The following IGF2R variants were observed in gnomAD, a reference collection of about 807,000 sequenced individuals.
IGF2R encodes cation-independent mannose-6-phosphate receptor.
IGF2R carries 91 observed loss-of-function variants against 270.6 expected under a neutral mutation model. That is an observed-to-expected ratio of 0.34 (90% CI 0.28 to 0.40). The LOEUF (loss-of-function observed/expected upper bound fraction) is 0.40. IGF2R is among the 10% of genes least tolerant of loss of function. The pLI is 1.00. For missense variants in IGF2R, 2,805 were observed against 3,188.3 expected, an observed-to-expected ratio of 0.88 and a Z score of 2.90; for synonymous variants, 1,316 against 1,258.9, an observed-to-expected ratio of 1.05 and a Z score of -0.96.
rs1418246596 is a variant in IGF2R, at chr6:160,050,419, C to T, written c.2515-54C>T. 74 of 1,527,828 alleles carry T rather than the reference C, an allele frequency of 4.8e-5. No individual in the cohort carries two copies. Among genetic ancestry groups the T allele is most frequent in the African/African-American group, 9.6e-5 (7 of 72,920 alleles). The allele number at this position is 1,527,828 out of a possible 1,614,324, so 94.6% of individuals were successfully genotyped here. On this transcript the variant is annotated intron_variant, in intron 18 of 47. Transcript: ENST00000356956. This position sits in a 1 kb window ranked among gnomAD's most constrained non-coding sequence, Gnocchi z 4.0. Reference sequence around the variant, plus strand: ...TATAGAATGTAACCACCACCAATAACGAATCGACTGTATCTTCAGGGGGAA... The same window carrying T: ...TATAGAATGTAACCACCACCAATAATGAATCGACTGTATCTTCAGGGGGAA...
At position 160,102,003 on chromosome 6, in the gene IGF2R, C is replaced by G. The variant is rs1779496828; in HGVS notation, c.6843-516C>G. On this transcript the variant is annotated intron_variant, in intron 45 of 47. Transcript: ENST00000356956. The surrounding 1 kb of genome is among the most constrained non-coding windows in gnomAD (Gnocchi z 4.5). ...CTGGGCTCTGCTGCTCCCTGGGCCC[C>G]ACCCTGGTCTGTGGCCGCCCCTGGG... 6.6e-6 allele frequency among the ~76,000 whole-genome samples: 1 copy of G among 152,192 alleles called. No individual in the cohort carries two copies. The highest frequency in any genetic ancestry group is 2.4e-5 in the African/African-American group (1 of 41,454).
chr6:159,983,235 C>G (rs900022237), intron 1 of IGF2R, among the ~76,000 whole-genome samples: 3 of 152,140 alleles, frequency 2.0e-5, no homozygotes, highest in Non-Finnish European at 4.4e-5. Flanking sequence ...GGGTGGGTTT[C>G]GATTGCGGCC....
chr6:160,056,272 A>G (rs1778314951), intron 19 of IGF2R, 152 bp from the exon 20 acceptor site: 1 of 620,814 alleles, frequency 1.6e-6, no homozygotes, highest in Admixed American at 2.7e-5. Flanking sequence ...AATTCTAATT[A>G]GGTAATGCAC....
chr6:159,969,566 C>G (rs1425928126), intron 1 of IGF2R, among the ~76,000 whole-genome samples, 171 bp downstream of exon 1: 1 of 151,990 alleles, frequency 6.6e-6, no homozygotes, highest in African/African-American at 2.4e-5. Context: ...CCGCGAGTCC[C>G]GCCGGGTCCC....
chr6:159,992,585 G>A (rs184710471), intron 2 of IGF2R, among the ~76,000 whole-genome samples: 145 of 148,246 alleles, frequency 9.8e-4, no homozygotes, highest in African/African-American at 3.3e-3. Flanking sequence ...TTTGTCCATA[G>A]AAAAGAATGA....
chr6:160,066,453 T>C (rs978470447), intron 29 of IGF2R, among the ~76,000 whole-genome samples: 4 of 152,142 alleles, frequency 2.6e-5, no homozygotes, highest in Non-Finnish European at 5.9e-5. Context: ...GCGCCCGGCC[T>C]TCCTAAAGAT....
chr6:160,035,483 G>A (rs1435748874), intron 10 of IGF2R, among the ~76,000 whole-genome samples: 4 of 152,162 alleles, frequency 2.6e-5, no homozygotes, highest in African/African-American at 7.2e-5. Flanking sequence ...CCCTGCGAAC[G>A]TCCTAGCAAG....
At chr6:160,054,841 T>G (rs1265011516) in intron 19 of IGF2R, among the ~76,000 whole-genome samples, 1 of 152,166 alleles carries the variant, frequency 6.6e-6, no homozygotes, top group African/African-American at 2.4e-5. Flanking sequence ...ATCAACTAAA[T>G]TATTAACAAT....
At chr6:160,099,031 AT>A (rs1419683978) in intron 45 of IGF2R, among the ~76,000 whole-genome samples, 1 of 152,212 alleles carries the variant, frequency 6.6e-6, no homozygotes, top group Non-Finnish European at 1.5e-5. Context: ...CTTTCACAAT[AT>A]TTGATTAAAG....
chr6:160,090,572 G>A (rs1779198157), intron 44 of IGF2R, among the ~76,000 whole-genome samples: 1 of 152,240 alleles, frequency 6.6e-6, no homozygotes, highest in African/African-American at 2.4e-5. Context: ...AGTCCAGGGT[G>A]TGAAGGAAGG....
intron 21 of IGF2R, among the ~76,000 whole-genome samples, chr6:160,058,564 T>A (rs944758123): frequency 6.6e-6 from 1 of 152,230 alleles, no homozygotes; most frequent in African/African-American, 2.4e-5. Context: ...CAATGATACA[T>A]ACTTTCTCAT....
chr6:160,036,304 C>G (rs532293062), intron 10 of IGF2R, among the ~76,000 whole-genome samples: 6 of 152,302 alleles, frequency 3.9e-5, no homozygotes, highest in Admixed American at 3.9e-4. Flanking sequence ...ACCTACGCTA[C>G]TAGCCTCCTT....
At chr6:160,086,103 A>T (rs1779092658) in intron 41 of IGF2R, among the ~76,000 whole-genome samples, 1 of 152,224 alleles carries the variant, frequency 6.6e-6, no homozygotes, top group African/African-American at 2.4e-5. Flanking sequence ...GCTTCCTAAA[A>T]GTTTGAGGCA....
chr6:160,001,163 GCT>G (rs1181332265), intron 2 of IGF2R, among the ~76,000 whole-genome samples: 1 of 152,166 alleles, frequency 6.6e-6, no homozygotes, highest in Non-Finnish European at 1.5e-5. Flanking sequence ...ACAGAGTGAA[GCT>G]TCGTCTGTAT....
In IGF2R at chr6:160,068,278, C is replaced by T. The variant is rs935391449; in HGVS notation, c.4145C>T (p.Ser1382Leu). Reference sequence around the variant, plus strand: ...GGGGCTGGCAACTCCTTCGACCTCTCGTCCCTGTCAAGGTACAGTGACAAC... The same window carrying T: ...GGGGCTGGCAACTCCTTCGACCTCTTGTCCCTGTCAAGGTACAGTGACAAC... Reference protein sequence around the residue: ...KDGAGNSFDLSSLSRYSDNWE... With the variant: ...KDGAGNSFDLLSLSRYSDNWE... Residue 1382 changes from serine to leucine, a missense_variant, in exon 30 of 48, where the codon TCG (serine) becomes TTG (leucine). Physicochemically the swap from Ser to Leu is moderately radical, Grantham distance 145. Transcript: ENST00000356956. The T allele has an allele frequency of 1.9e-6, 3 of 1,614,124 alleles. No homozygotes were observed. Among genetic ancestry groups the T allele is most frequent in the African/African-American group, 1.3e-5 (1 of 74,946 alleles).
intron 30 of IGF2R, among the ~76,000 whole-genome samples, chr6:160,068,714 G>A (rs1032611538): frequency 6.6e-6 from 1 of 152,012 alleles, no homozygotes; most frequent in African/African-American, 2.4e-5. Context: ...GTGGGATGGT[G>A]TTTGCAGTGA....
At chr6:160,103,484 A>C (rs1779538801) in intron 46 of IGF2R, among the ~76,000 whole-genome samples, 2 of 152,162 alleles carry the variant, frequency 1.3e-5, no homozygotes, top group South Asian at 4.1e-4. Context: ...CATGTGAAAA[A>C]GTCCTTGCCC....
Position 160,105,947 on chromosome 6 carries a change from T to G in IGF2R, c.*863T>G, listed in dbSNP as rs944134236. On this transcript the variant is annotated 3_prime_UTR_variant, in exon 48 of 48. Coordinates refer to ENST00000356956, the MANE Select transcript of IGF2R (RefSeq NM_000876.4). ...TGTGTGTGTGTGTGTGTGAGTGGAG[T>G]TGAGGTGTCAGAGAAAATGAATTTT... The G allele has an allele frequency of 6.7e-6, 1 of 149,266 alleles. No homozygotes were observed. Among genetic ancestry groups the G allele is most frequent in the South Asian group, 2.1e-4 (1 of 4,706 alleles). 9.2% of individuals were successfully genotyped at this position (149,266 alleles called of 1,614,324 possible).
At chr6:160,028,725 T>G (rs1201995864) in intron 6 of IGF2R, among the ~76,000 whole-genome samples, 1 of 152,144 alleles carries the variant, frequency 6.6e-6, no homozygotes, top group Non-Finnish European at 1.5e-5. Flanking sequence ...GCTGTGGGGT[T>G]AAGACAAAAC....
Sources: gnomAD v4.1 joint callset for allele counts (sites outside exome capture counted in the v4.1 genomes callset) on GRCh38, gnomAD v4.1.1 for gene constraint, Gnocchi (gnomAD v3.1) non-coding constraint, MANE v1.5 for transcripts, NCBI Gene and HGNC (gene_info 2026-07-23, HGNC 2026-07-21) for gene names.